The following ARIH2 variants were observed in gnomAD, a reference collection of about 807,000 sequenced individuals.
The protein encoded by ARIH2 is E3 ubiquitin-protein ligase ARIH2.
A neutral mutation model predicts 79.8 loss-of-function variants in ARIH2; 12 were observed. The ratio of observed to expected loss-of-function variants is 0.15; its 90% CI spans 0.10 to 0.24. The LOEUF is 0.24. Ranked by LOEUF, ARIH2 falls within the 10% of genes least tolerant of loss-of-function variation. ARIH2 has a pLI of 1.00. For synonymous variants in ARIH2, 224 were observed against 213.9 expected, an observed-to-expected ratio of 1.05 and a Z score of -0.41; for missense variants, 301 against 618.3, an observed-to-expected ratio of 0.49 and a Z score of 5.44.
intron 14 of ARIH2, 85 bp downstream of exon 14, chr3:48,981,813 A>G (rs2092761568): frequency 9.5e-6 from 11 of 1,158,800 alleles, no homozygotes; most frequent in Middle Eastern, 2.3e-4. Context: ...AGTGAGGACC[A>G]GACCTTGGTC....
chr3:48,965,033 G>C, intron 5 of ARIH2, 51 bp downstream of exon 5: 1 of 1,559,818 alleles, frequency 6.4e-7, no homozygotes, highest in South Asian at 1.1e-5. Context: ...TGTGGTTCTT[G>C]CTTTGGCTTG....
intron 11 of ARIH2, 118 bp downstream of exon 11, chr3:48,975,097 C>T (rs1179430047): frequency 6.5e-7 from 1 of 1,549,082 alleles, no homozygotes; most frequent in Non-Finnish European, 8.8e-7. Context: ...ACCTCAGTCA[C>T]TTAACAGTCA....
At chr3:48,965,479 GTCAT>G (rs1214786568) in intron 5 of ARIH2, among the ~76,000 whole-genome samples, 3 of 152,194 alleles carry the variant, frequency 2.0e-5, no homozygotes, top group African/African-American at 7.2e-5. Flanking sequence ...TAGGGACTAA[GTCAT>G]TGCCTGTCCT....
At chr3:48,980,281 C>A in intron 12 of ARIH2, 72 bp from the exon 13 acceptor site, 1 of 1,515,848 alleles carries the variant, frequency 6.6e-7, no homozygotes, top group Non-Finnish European at 9.0e-7. Context: ...AGGTGTCTAT[C>A]CTGAACTCCT....
chr3:48,928,728 G>C (rs2085968392), intron 3 of ARIH2, among the ~76,000 whole-genome samples: 1 of 151,864 alleles, frequency 6.6e-6, no homozygotes, highest in African/African-American at 2.4e-5. Flanking sequence ...ACTAGTTTAG[G>C]GATTTTTTTT....
At chr3:48,982,254 A>G (rs1037692851) in intron 14 of ARIH2, among the ~76,000 whole-genome samples, 1 of 152,232 alleles carries the variant, frequency 6.6e-6, no homozygotes, top group East Asian at 1.9e-4. Flanking sequence ...AACATTGTGT[A>G]TATATAATCA....
At chr3:48,945,056 A>C (rs965323341) in intron 3 of ARIH2, 11 of 1,208,936 alleles carry the variant, frequency 9.1e-6, no homozygotes, top group South Asian at 8.8e-5. Flanking sequence ...AGACCCATTC[A>C]TGTAGCCTTA....
intron 3 of ARIH2, among the ~76,000 whole-genome samples, chr3:48,935,354 A>G (rs2086965466): frequency 6.6e-6 from 1 of 152,222 alleles, no homozygotes; most frequent in Non-Finnish European, 1.5e-5. Context: ...CCCCATTTTT[A>G]CTTTGTCCTC....
chr3:48,951,376 ATTAAGGAT>A (rs951512592), intron 3 of ARIH2, among the ~76,000 whole-genome samples: 1 of 151,988 alleles, frequency 6.6e-6, no homozygotes, highest in African/African-American at 2.4e-5. Flanking sequence ...AAATTTTTAA[ATTAAGGAT>A]TTTTGTGTCT....
intron 3 of ARIH2, among the ~76,000 whole-genome samples, chr3:48,931,379 A>G (rs778732960): frequency 3.3e-5 from 5 of 151,928 alleles, no homozygotes; most frequent in Non-Finnish European, 5.9e-5. Context: ...CCCCATCTCT[A>G]CTAAAAATAC....
intron 8 of ARIH2, 44 bp downstream of exon 8, chr3:48,970,748 C>A: frequency 6.8e-7 from 1 of 1,471,274 alleles, no homozygotes; most frequent in South Asian, 1.1e-5. Context: ...GCTCATGCCC[C>A]ATCCTCCAAA....
intron 3 of ARIH2, among the ~76,000 whole-genome samples, chr3:48,959,672 AAAAG>A (rs1408529650): frequency 5.3e-5 from 8 of 150,654 alleles, no homozygotes; most frequent in Non-Finnish European, 8.9e-5. Flanking sequence ...AAAAAAAAAA[AAAAG>A]AAAAGAAAAT....
At chr3:48,972,521 G>A (rs2107628434) in intron 8 of ARIH2, among the ~76,000 whole-genome samples, 1 of 152,254 alleles carries the variant, frequency 6.6e-6, no homozygotes, top group East Asian at 1.9e-4. Flanking sequence ...GCAGGAGCCT[G>A]TAATCTCAGC....
chr3:48,952,201 A>G (rs2090053465), intron 3 of ARIH2, among the ~76,000 whole-genome samples: 1 of 152,194 alleles, frequency 6.6e-6, no homozygotes, highest in Non-Finnish European at 1.5e-5. Context: ...CAGGGGTTCT[A>G]TAGAAGTATG....
intron 3 of ARIH2, among the ~76,000 whole-genome samples, chr3:48,955,426 T>A (rs953785612): frequency 6.6e-6 from 1 of 152,134 alleles, no homozygotes; most frequent in Non-Finnish European, 1.5e-5. Context: ...GTTGTCTTGA[T>A]AATACTTAAT....
chr3:48,939,662 G>C (rs1157727546), intron 3 of ARIH2, among the ~76,000 whole-genome samples: 1 of 150,188 alleles, frequency 6.7e-6, no homozygotes, highest in African/African-American at 2.5e-5. Context: ...GGAGGCTGAG[G>C]CAGGAGAATG....
intron 3 of ARIH2, among the ~76,000 whole-genome samples, chr3:48,945,406 C>G (rs569068153): frequency 6.6e-6 from 1 of 152,132 alleles, no homozygotes; most frequent in African/African-American, 2.4e-5. Flanking sequence ...TGCCTTGATC[C>G]GTATATAAAA....
intron 3 of ARIH2, among the ~76,000 whole-genome samples, chr3:48,959,810 C>T: frequency 6.6e-6 from 1 of 152,218 alleles, no homozygotes; most frequent in East Asian, 1.9e-4. Context: ...GACTGTAGGA[C>T]AGGAAGGCAC....
rs1187072533 is a variant in ARIH2, at chr3:48,974,989, A to C, written c.961+10A>C. On this transcript the variant is annotated intron_variant, in intron 11 of 15. Coordinates refer to ENST00000356401, the MANE Select transcript of ARIH2 (RefSeq NM_006321.4). Reference sequence around the variant, plus strand: ...TCCAAATGTAAACACGGTGAGTTCCAAGCTTGGTGTGTAAGGCCCAGTGGC... The same window carrying C: ...TCCAAATGTAAACACGGTGAGTTCCCAGCTTGGTGTGTAAGGCCCAGTGGC... 6.2e-6 allele frequency: 10 copies of C among 1,614,178 alleles called. No individual in the cohort carries two copies. The highest frequency in any genetic ancestry group is 1.1e-5 in the South Asian group (1 of 91,076).
Sources: gnomAD v4.1 joint callset for allele counts (sites outside exome capture counted in the v4.1 genomes callset) on GRCh38, gnomAD v4.1.1 for gene constraint, MANE v1.5 for transcripts, NCBI Gene and HGNC (gene_info 2026-07-23, HGNC 2026-07-21) for gene names.